Variants in CPXM2 observed in about 807,000 individuals in gnomAD.
CPXM2 encodes inactive carboxypeptidase-like protein X2.
In CPXM2, 66 loss-of-function variants were observed where a neutral mutation model predicts 86.1. The ratio of observed to expected loss-of-function variants is 0.77; its 90% CI spans 0.63 to 0.94. CPXM2 has a LOEUF of 0.94. CPXM2 is among the 40% of genes least tolerant of loss of function. The pLI is 0.00. For synonymous variants in CPXM2, 388 were observed against 400.2 expected (o/e 0.97, Z 0.36); for missense variants, 948 against 1,026.3 (o/e 0.92, Z 1.04).
intron 2 of CPXM2, among the ~76,000 whole-genome samples, chr10:123,929,821 C>G (rs1945651975): frequency 6.6e-6 from 1 of 152,214 alleles, no homozygotes; most frequent in South Asian, 2.1e-4. Flanking sequence ...CCTGCCAGCT[C>G]TGGATCCCTG....
chr10:123,853,447 C>T (rs1191295000), intron 3 of CPXM2, among the ~76,000 whole-genome samples: 2 of 152,148 alleles, frequency 1.3e-5, no homozygotes, highest in East Asian at 3.8e-4. Context: ...AGAACACGAC[C>T]CAGCACATCA....
chr10:123,884,601 C>T (rs539699780), intron 1 of CPXM2, among the ~76,000 whole-genome samples: 4 of 152,186 alleles, frequency 2.6e-5, no homozygotes, highest in South Asian at 2.1e-4. Flanking sequence ...GACGGGAGCC[C>T]GGGGGGAGGC....
At position 123,771,154 on chromosome 10, in the gene CPXM2, C is replaced by T. The variant is rs1238770796; in HGVS notation, c.979-115G>A. 4.7e-6 allele frequency: 4 copies of T among 844,602 alleles called. No individual in the cohort carries two copies. The South Asian group carries it at 6.1e-5, about 13-fold the overall frequency. The allele number at this position is 844,602 out of a possible 1,614,324, so 52.3% of individuals were successfully genotyped here. Reference sequence around the variant, plus strand: ...TCCTCCACAGCCTCCCAAGCGCCCCCACATTCTGCACACCCCAGCTGCTAT... The same window carrying T: ...TCCTCCACAGCCTCCCAAGCGCCCCTACATTCTGCACACCCCAGCTGCTAT... On this transcript the variant is annotated intron_variant, in intron 7 of 13. Transcript: ENST00000241305.
intron 2 of CPXM2, among the ~76,000 whole-genome samples, chr10:123,917,667 T>G (rs1291769726): frequency 1.3e-5 from 2 of 152,236 alleles, no homozygotes; most frequent in African/African-American, 4.8e-5. Context: ...AGCAAGTTGA[T>G]GATTCATAGT....
intron 4 of CPXM2, among the ~76,000 whole-genome samples, chr10:123,815,916 T>C (rs1847804705): frequency 6.6e-6 from 1 of 152,040 alleles, no homozygotes; most frequent in Admixed American, 6.5e-5. Context: ...CAGACTGAAT[T>C]TATTGATTTG....
At chr10:123,841,152 T>G (rs1045888220) in intron 4 of CPXM2, among the ~76,000 whole-genome samples, 21 of 152,080 alleles carry the variant, frequency 1.4e-4, no homozygotes, top group African/African-American at 4.8e-4. Context: ...GAAGATTTCT[T>G]GTATAAGTTC....
chr10:123,869,102 G>C (rs1008224112), intron 2 of CPXM2, among the ~76,000 whole-genome samples: 2 of 152,120 alleles, frequency 1.3e-5, no homozygotes, highest in East Asian at 3.8e-4. Flanking sequence ...TGTAATCAGA[G>C]ATTTTAAAAA....
At chr10:123,764,700 T>C (rs1262160492) in intron 10 of CPXM2, among the ~76,000 whole-genome samples, 2 of 152,142 alleles carry the variant, frequency 1.3e-5, no homozygotes, top group Admixed American at 1.3e-4. Context: ...TTGGCCATGC[T>C]AGTCTTGAAC....
chr10:123,894,960 A>T (rs574699066), upstream of CPXM2, among the ~76,000 whole-genome samples: 1 of 152,034 alleles, frequency 6.6e-6, no homozygotes, highest in East Asian at 1.9e-4. Context: ...CCCGTTAACA[A>T]CCTTGCTCCC....
intron 3 of CPXM2, among the ~76,000 whole-genome samples, chr10:123,859,263 T>C (rs1375133044): frequency 6.6e-6 from 1 of 152,264 alleles, no homozygotes; most frequent in Non-Finnish European, 1.5e-5. Context: ...ATGTGGTTAT[T>C]TTTAAACTGC....
At chr10:123,783,669 A>G (rs1846986052) in intron 6 of CPXM2, among the ~76,000 whole-genome samples, 2 of 152,204 alleles carry the variant, frequency 1.3e-5, no homozygotes, top group African/African-American at 2.4e-5. Flanking sequence ...TCTTGCCTAA[A>G]GCCAAAGTCA....
intron 2 of CPXM2, among the ~76,000 whole-genome samples, chr10:123,921,482 C>T (rs73368756): frequency 0.02 from 3,012 of 152,252 alleles, 101 homozygotes; most frequent in African/African-American, 0.068. Context: ...ACAAAAAATA[C>T]AGCTAGCCTC....
At chr10:123,821,771 G>A (rs767293934) in intron 4 of CPXM2, among the ~76,000 whole-genome samples, 1 of 152,160 alleles carries the variant, frequency 6.6e-6, no homozygotes, top group Non-Finnish European at 1.5e-5. Flanking sequence ...CTCCTAAAAT[G>A]CATTAGACAG....
chr10:123,761,826 C>T (rs368055115), intron 11 of CPXM2, 46 bp downstream of exon 11: 9 of 1,561,158 alleles, frequency 5.8e-6, no homozygotes, highest in South Asian at 1.1e-5. Context: ...ACCCCTGCAG[C>T]GTCCTCCTGC....
intron 2 of CPXM2, among the ~76,000 whole-genome samples, chr10:123,924,050 T>C (rs573270897): frequency 6.6e-6 from 1 of 152,348 alleles, no homozygotes; most frequent in South Asian, 2.1e-4. Context: ...AGTAATAGTA[T>C]TGTGGTTATA....
At chr10:123,841,224 G>A (rs1914532) in intron 4 of CPXM2, among the ~76,000 whole-genome samples, 57,394 of 152,018 alleles carry the variant, frequency 0.38, 13,728 homozygotes, top group African/African-American at 0.68. Context: ...CAAGCTCTGC[G>A]TGACCACCGT....
At chr10:123,897,368 C>G (rs147599712) in intron 2 of CPXM2, among the ~76,000 whole-genome samples, 297 of 152,302 alleles carry the variant, frequency 2.0e-3, no homozygotes, top group African/African-American at 6.6e-3. Flanking sequence ...CCCTATCTTA[C>G]AGCTGAGGAA....
intron 6 of CPXM2, among the ~76,000 whole-genome samples, chr10:123,793,606 G>C (rs1847258947): frequency 6.6e-6 from 1 of 152,094 alleles, no homozygotes; most frequent in Non-Finnish European, 1.5e-5. Flanking sequence ...CAACCAGAAG[G>C]GCTCAGCTGG....
intron 2 of CPXM2, among the ~76,000 whole-genome samples, chr10:123,907,783 A>G (rs72829714): frequency 0.14 from 20,921 of 151,916 alleles, 1,741 homozygotes; most frequent in East Asian, 0.2. Context: ...CCAGATGTAC[A>G]CTGAAGGCAC....
Sources: allele counts gnomAD v4.1 joint callset (sites outside exome capture counted in the v4.1 genomes callset), GRCh38; gene constraint gnomAD v4.1.1; transcripts MANE v1.5; gene names NCBI Gene and HGNC (gene_info 2026-07-23, HGNC 2026-07-21).